The following YEATS4 variants were observed in gnomAD, a reference collection of about 807,000 sequenced individuals.
YEATS4 encodes the protein YEATS domain containing 4.
Under a neutral mutation model 30.1 loss-of-function variants are expected in YEATS4, and 17 were observed. That is an observed-to-expected ratio of 0.56 (90% CI 0.39 to 0.85). The LOEUF (loss-of-function observed/expected upper bound fraction) is 0.85, where lower values mean the gene tolerates loss of function less well. Ranked by LOEUF, YEATS4 falls within the 40% of genes least tolerant of loss-of-function variation. The probability of loss-of-function intolerance (pLI) is 0.00; values close to 1 mark genes in which losing one functional copy is unlikely to be tolerated. For synonymous variants in YEATS4, 85 were observed against 87.5 expected, an observed-to-expected ratio of 0.97 and a Z score of 0.16; for missense variants, 142 against 268.3, an observed-to-expected ratio of 0.53 and a Z score of 3.29.
the YEATS4 span, among the ~76,000 whole-genome samples, chr12:69,418,237 A>G: frequency 2.0e-5 from 3 of 152,198 alleles, no homozygotes; most frequent in Non-Finnish European, 4.4e-5. Context: ...ATAAGGCATT[A>G]TTTACTAGCC....
intron 6 of YEATS4, among the ~76,000 whole-genome samples, chr12:69,379,777 G>A (rs1350898610): frequency 6.6e-6 from 1 of 151,626 alleles, no homozygotes; most frequent in Non-Finnish European, 1.5e-5. Context: ...TCTAGAACTT[G>A]TAGATGTGCT....
chr12:69,403,874 A>G, the YEATS4 span, among the ~76,000 whole-genome samples: 1 of 152,274 alleles, frequency 6.6e-6, no homozygotes, highest in East Asian at 1.9e-4. Flanking sequence ...GACAAAATTG[A>G]CCACTTTCTT....
intron 6 of YEATS4, among the ~76,000 whole-genome samples, chr12:69,382,096 C>T (rs184742807): frequency 1.7e-3 from 261 of 152,318 alleles, no homozygotes; most frequent in African/African-American, 6.0e-3. Flanking sequence ...ACCCAGAAGG[C>T]GTCCTTTGAC....
chr12:69,410,654 T>C, the YEATS4 span, among the ~76,000 whole-genome samples: 13 of 152,236 alleles, frequency 8.5e-5, no homozygotes, highest in African/African-American at 3.1e-4. Context: ...GCAAGCATGC[T>C]GTTTTGAGTC....
intron 6 of YEATS4, among the ~76,000 whole-genome samples, chr12:69,373,471 G>A (rs58271075): frequency 0.06 from 9,060 of 152,112 alleles, 395 homozygotes; most frequent in African/African-American, 0.12. Context: ...TCTTTTGCCC[G>A]TTTTAAAATC....
chr12:69,364,003 G>C (rs1468948616), intron 2 of YEATS4, among the ~76,000 whole-genome samples: 1 of 152,206 alleles, frequency 6.6e-6, no homozygotes, highest in East Asian at 1.9e-4. Flanking sequence ...GAAATGTCCA[G>C]AAGGGGCAAA....
intron 2 of YEATS4, chr12:69,364,232 C>A: frequency 2.3e-6 from 1 of 438,626 alleles, no homozygotes; most frequent in Non-Finnish European, 4.6e-6. Flanking sequence ...GCGGGAGGAT[C>A]GCTTGAGCCC....
the YEATS4 span, among the ~76,000 whole-genome samples, chr12:69,413,625 G>A: frequency 1.5e-4 from 22 of 151,098 alleles, no homozygotes; most frequent in African/African-American, 4.9e-4. Context: ...GCCGAGACAG[G>A]CAGATCACTT....
chr12:69,379,421 TTTTTA>T (rs1324515685), intron 6 of YEATS4, among the ~76,000 whole-genome samples: 3 of 151,894 alleles, frequency 2.0e-5, no homozygotes, highest in Non-Finnish European at 4.4e-5. Context: ...CTACCCTGCC[TTTTTA>T]TTTTGAGACA....
the YEATS4 span, among the ~76,000 whole-genome samples, chr12:69,407,702 C>CTTTTTTTTTTTTTTTTTTTT: frequency 1.6e-5 from 1 of 62,620 alleles, no homozygotes; most frequent in African/African-American, 7.1e-5. Flanking sequence ...TACTTTTTGT[C>CTTTTTTTTTTTTTTTTTTTT]TTTTTTTTTT....
intron 6 of YEATS4, among the ~76,000 whole-genome samples, chr12:69,387,661 C>CA (rs1289322284): frequency 6.6e-6 from 1 of 152,172 alleles, no homozygotes; most frequent in Non-Finnish European, 1.5e-5. Context: ...TTAAGTGAAA[C>CA]AGCAAGGTGC....
At position 69,362,818 on chromosome 12, in the gene YEATS4, GGTAAT is replaced by G; in HGVS notation, c.85_89del (p.Asn29CysfsTer25). On this transcript the variant is annotated frameshift_variant, in exon 2 of 7. Coordinates refer to ENST00000247843, the MANE Select transcript of YEATS4 (RefSeq NM_006530.4). LOFTEE classifies it high-confidence loss of function. ...TACTATCGTTAAACCAATAGTTTAC[GGTAAT>G]GTTGCTCGGTATTTTGGAAAGAAAA... 6.2e-7 allele frequency: 1 copy of G among 1,610,510 alleles called. No homozygotes were observed. The highest frequency in any genetic ancestry group is 8.5e-7 in the Non-Finnish European group (1 of 1,177,812).
chr12:69,362,050 C>T (rs764334485), intron 1 of YEATS4, among the ~76,000 whole-genome samples: 2 of 117,988 alleles, frequency 1.7e-5, no homozygotes, highest in African/African-American at 3.6e-5. Context: ...CAGAGGCTCG[C>T]TCTGTTGCCC....
At chr12:69,422,503 T>G in the YEATS4 span, among the ~76,000 whole-genome samples, 1 of 151,696 alleles carries the variant, frequency 6.6e-6, no homozygotes, top group Non-Finnish European at 1.5e-5. Context: ...TGGTGGCGCA[T>G]GCCTATAGTC....
chr12:69,360,191 T>C (rs1875136218), intron 1 of YEATS4, among the ~76,000 whole-genome samples, 168 bp downstream of exon 1: 1 of 151,944 alleles, frequency 6.6e-6, no homozygotes, highest in Non-Finnish European at 1.5e-5. Context: ...AAAACCGGCG[T>C]TCATTGGGCC....
At chr12:69,381,088 G>A (rs547439499) in intron 6 of YEATS4, among the ~76,000 whole-genome samples, 122 of 152,222 alleles carry the variant, frequency 8.0e-4, no homozygotes, top group African/African-American at 2.9e-3. Flanking sequence ...GCAGGCAACC[G>A]GTCTGACCGA....
intron 2 of YEATS4, among the ~76,000 whole-genome samples, chr12:69,363,446 TAAC>T (rs1166017559): frequency 1.3e-5 from 2 of 152,202 alleles, no homozygotes; most frequent in African/African-American, 2.4e-5. Flanking sequence ...AAAATTAAGA[TAAC>T]AAGAACTATT....
the YEATS4 span, among the ~76,000 whole-genome samples, chr12:69,406,418 C>G: frequency 3.3e-5 from 5 of 152,138 alleles, no homozygotes; most frequent in South Asian, 2.1e-4. Context: ...GCCTCCACCC[C>G]CTTGGTTCAA....
chr12:69,366,768 AT>A (rs1306593838), intron 4 of YEATS4, among the ~76,000 whole-genome samples: 1 of 152,280 alleles, frequency 6.6e-6, no homozygotes, highest in African/African-American at 2.4e-5. Context: ...ATCAGATTAT[AT>A]TTTTTAAACT....
Sources: gnomAD v4.1 joint callset for allele counts (sites outside exome capture counted in the v4.1 genomes callset) on GRCh38, gnomAD v4.1.1 for gene constraint, MANE v1.5 for transcripts, NCBI Gene and HGNC (gene_info 2026-07-23, HGNC 2026-07-21) for gene names.